The following ARHGAP24 variants were observed in gnomAD, a reference collection of about 807,000 sequenced individuals.
ARHGAP24 encodes the protein Rho GTPase activating protein 24.
A neutral mutation model predicts 76.4 loss-of-function variants in ARHGAP24; 50 were observed. The observed-to-expected ratio is 0.65, with a 90% CI of 0.52 to 0.83. The LOEUF (loss-of-function observed/expected upper bound fraction) is 0.83, where lower values mean the gene tolerates loss of function less well. Among genes scored for constraint, ARHGAP24 ranks in the 40% least tolerant of loss-of-function variants. ARHGAP24 has a pLI of 0.00. For synonymous variants in ARHGAP24, 345 were observed against 323.3 expected, an observed-to-expected ratio of 1.07 and a Z score of -0.72; for missense variants, 930 against 914.2, an observed-to-expected ratio of 1.02 and a Z score of -0.22.
intron 2 of ARHGAP24, among the ~76,000 whole-genome samples, chr4:85,664,990 A>G (rs1043160184): frequency 1.3e-5 from 2 of 152,028 alleles, no homozygotes; most frequent in East Asian, 1.9e-4. Context: ...CATATATTCT[A>G]TTGATTTGGG....
chr4:85,931,936 C>T (rs1736358289), intron 4 of ARHGAP24, among the ~76,000 whole-genome samples: 1 of 151,998 alleles, frequency 6.6e-6, no homozygotes, highest in Non-Finnish European at 1.5e-5. Flanking sequence ...TTCTCCCCCA[C>T]ATCTTTTTTT....
intron 2 of ARHGAP24, among the ~76,000 whole-genome samples, chr4:85,617,041 A>G (rs987166605): frequency 1.6e-4 from 24 of 148,894 alleles, no homozygotes; most frequent in Non-Finnish European, 3.1e-4. Context: ...TCATGTATCT[A>G]TATATTTAAC....
At chr4:85,543,930 G>T (rs1578021827) in intron 1 of ARHGAP24, among the ~76,000 whole-genome samples, 1 of 152,160 alleles carries the variant, frequency 6.6e-6, no homozygotes, top group South Asian at 2.1e-4. Flanking sequence ...AAATAACCCA[G>T]ATTAAATCAT....
intron 3 of ARHGAP24, among the ~76,000 whole-genome samples, chr4:85,853,305 G>C (rs1182345679): frequency 6.6e-6 from 1 of 152,226 alleles, no homozygotes; most frequent in Admixed American, 6.5e-5. Flanking sequence ...TAATCTTCTG[G>C]TGTGCCATTT....
rs1287564313 is a variant in ARHGAP24 at position 85,583,688 on chromosome 4, A to G, written c.180+12967A>G. Reference sequence around the variant, plus strand: ...AAATGGGAGAAAATTTTCGCAACCTACTCATCTGACAAAGGGCTAATATCC... The same window carrying G: ...AAATGGGAGAAAATTTTCGCAACCTGCTCATCTGACAAAGGGCTAATATCC... On this transcript the variant is annotated intron_variant, in intron 2 of 9. Coordinates refer to ENST00000395184, the MANE Select transcript of ARHGAP24 (RefSeq NM_001025616.3). Among the ~76,000 whole-genome samples, 4 of 151,004 alleles carry G rather than the reference A, an allele frequency of 2.6e-5. No individual in the cohort carries two copies. In the East Asian group the frequency reaches 7.8e-4, roughly 30 times the overall value.
chr4:85,528,088 GA>G (rs1725085805), intron 1 of ARHGAP24, among the ~76,000 whole-genome samples: 1 of 151,994 alleles, frequency 6.6e-6, no homozygotes, highest in Non-Finnish European at 1.5e-5. Flanking sequence ...TAAAGACAAT[GA>G]ATAGAACACC....
rs114597917 is a variant in ARHGAP24, at chr4:85,813,120, G to A, written c.268+91148G>A. ...AAGGAAGTACCTCGTTCCAAGATGAGTTAGGAGCATGACTATTGCTCATCA... is the reference window on the plus strand; with the variant it reads ...AAGGAAGTACCTCGTTCCAAGATGAATTAGGAGCATGACTATTGCTCATCA... On this transcript the variant is annotated intron_variant, in intron 3 of 9. Coordinates refer to ENST00000395184, the MANE Select transcript of ARHGAP24 (RefSeq NM_001025616.3). 3.6e-3 allele frequency among the ~76,000 whole-genome samples: 551 copies of A among 152,244 alleles called. 6 individuals carry two copies. The Middle Eastern group carries it at 0.041, about 11-fold the overall frequency.
intron 2 of ARHGAP24, among the ~76,000 whole-genome samples, chr4:85,595,421 TG>T (rs1447436940): frequency 6.6e-6 from 1 of 152,130 alleles, no homozygotes; most frequent in East Asian, 1.9e-4. Context: ...TGAGGCAAAG[TG>T]GCAAACTTCC....
chr4:85,520,518 T>C (rs1345351194), intron 1 of ARHGAP24, among the ~76,000 whole-genome samples: 3 of 152,142 alleles, frequency 2.0e-5, no homozygotes, highest in Admixed American at 6.6e-5. Flanking sequence ...TCAGTGCATA[T>C]TCAATCAGTA....
chr4:85,668,100 G>A (rs985712768), intron 2 of ARHGAP24, among the ~76,000 whole-genome samples: 1 of 152,154 alleles, frequency 6.6e-6, no homozygotes, highest in Non-Finnish European at 1.5e-5. Flanking sequence ...TCAGTTTAGT[G>A]GCACTTTTTG....
In ARHGAP24 at chr4:85,477,855, C is replaced by T. The variant is rs568505591; in HGVS notation, c.-21+2296C>T. Among the ~76,000 whole-genome samples the T allele has an allele frequency of 2.6e-5, 4 of 152,300 alleles. No individual in the cohort carries two copies. The South Asian group carries it at 8.3e-4, about 32-fold the overall frequency. On this transcript the variant is annotated intron_variant, in intron 1 of 9. Coordinates refer to ENST00000395184, the MANE Select transcript of ARHGAP24 (RefSeq NM_001025616.3). Reference sequence around the variant, plus strand: ...ACAGTTCAGGCCGTGCGTTTGTTTCCTGTTCTTAGTGTGTGTGGTGCTGTA... The same window carrying T: ...ACAGTTCAGGCCGTGCGTTTGTTTCTTGTTCTTAGTGTGTGTGGTGCTGTA...
At chr4:85,593,360 C>T (rs1287347859) in intron 2 of ARHGAP24, among the ~76,000 whole-genome samples, 1 of 152,020 alleles carries the variant, frequency 6.6e-6, no homozygotes, top group Admixed American at 6.6e-5. Flanking sequence ...TTATTAACCC[C>T]TTGTCAGATA....
chr4:85,906,925 T>C (rs911663846), intron 3 of ARHGAP24, among the ~76,000 whole-genome samples: 9 of 152,200 alleles, frequency 5.9e-5, no homozygotes, highest in African/African-American at 1.9e-4. Flanking sequence ...ATTTTCATCG[T>C]TTCTATTTTA....
chr4:85,604,879 A>G (rs900526977), intron 2 of ARHGAP24, among the ~76,000 whole-genome samples: 6 of 149,314 alleles, frequency 4.0e-5, no homozygotes, highest in African/African-American at 1.2e-4. Flanking sequence ...CACCCAGCTA[A>G]TTTTTTGTAT....
intron 3 of ARHGAP24, among the ~76,000 whole-genome samples, chr4:85,885,282 A>G (rs1733497523): frequency 6.6e-6 from 1 of 152,116 alleles, no homozygotes; most frequent in Admixed American, 6.6e-5. Context: ...TAATCCACAT[A>G]GACAGCCTAA....
intron 2 of ARHGAP24, among the ~76,000 whole-genome samples, chr4:85,585,999 A>G (rs947020686): frequency 6.6e-6 from 1 of 152,104 alleles, no homozygotes; most frequent in Non-Finnish European, 1.5e-5. Context: ...CCTTTTTTGT[A>G]TATCAGCATC....
chr4:85,576,635 T>C (rs1159328352), intron 2 of ARHGAP24, among the ~76,000 whole-genome samples: 1 of 149,822 alleles, frequency 6.7e-6, no homozygotes, highest in Admixed American at 6.6e-5. Context: ...CATCTGATTC[T>C]TTTGGTGTTT....
At chr4:85,827,949 G>A in intron 3 of ARHGAP24, 1 of 1,289,776 alleles carries the variant, frequency 7.8e-7, no homozygotes, top group Non-Finnish European at 1.0e-6. Context: ...ATTTGTCACT[G>A]ACCACTGAAG....
chr4:85,864,309 C>A (rs1219329027), intron 3 of ARHGAP24, among the ~76,000 whole-genome samples: 1 of 152,058 alleles, frequency 6.6e-6, no homozygotes, highest in Admixed American at 6.6e-5. Context: ...ACTCCTATAT[C>A]ACTTGGGGGC....
Sources: allele counts gnomAD v4.1 joint callset (sites outside exome capture counted in the v4.1 genomes callset), GRCh38; gene constraint gnomAD v4.1.1; transcripts MANE v1.5; gene names NCBI Gene and HGNC (gene_info 2026-07-23, HGNC 2026-07-21).